Variants in SHROOM2 observed in about 807,000 individuals in gnomAD.
SHROOM2 encodes protein Shroom2.
A neutral mutation model predicts 75.9 loss-of-function variants in SHROOM2; 33 were observed. The observed-to-expected ratio is 0.43, with a 90% CI of 0.33 to 0.58. The LOEUF (loss-of-function observed/expected upper bound fraction) is 0.58. Ranked by LOEUF, SHROOM2 falls within the 20% of genes least tolerant of loss-of-function variation. SHROOM2 has a pLI of 0.04. For missense variants in SHROOM2, 1,434 were observed against 1,461.2 expected (o/e 0.98, Z 0.30); for synonymous variants, 655 against 663.6 (o/e 0.99, Z 0.20).
At position 9,895,778 on chromosome X, in the gene SHROOM2, G is replaced by A. The variant is rs144144863; in HGVS notation, c.1870G>A (p.Asp624Asn). Residue 624 changes from aspartate to asparagine, a missense_variant, in exon 4 of 10, where the codon GAC (aspartate) becomes AAC (asparagine). Around this residue, in one of 3 missense-constraint regions of SHROOM2, gnomAD observed 1,340 missense variants for 1,338.3 expected, o/e 1.00. Transcript: ENST00000380913. ...CGTGGGCAAGCCCACCCGAAGAAGC[G>A]ACCGCTTTGCCACCACCCTGCGGAA... ...AHVGKPTRRS[D>N]RFATTLRNEI... 2.8e-5 allele frequency: 34 copies of A among 1,201,645 alleles called. No individual in the cohort carries two copies. The African/African-American group carries it at 4.4e-4, about 15-fold the overall frequency.
chrX:9,914,413 TA>T (rs1429587063), intron 5 of SHROOM2, among the ~76,000 whole-genome samples: 2 of 109,901 alleles, frequency 1.8e-5, no homozygotes, highest in Non-Finnish European at 3.8e-5. Context: ...ACACTACCTT[TA>T]ATTTTTTACC....
chrX:9,901,127 G>A (rs755355062), intron 5 of SHROOM2, among the ~76,000 whole-genome samples: 5 of 111,107 alleles, frequency 4.5e-5, no homozygotes, highest in East Asian at 2.8e-4. Flanking sequence ...TGTAGATGCC[G>A]TCTTCTCCCT....
intron 1 of SHROOM2, among the ~76,000 whole-genome samples, chrX:9,821,378 C>T (rs912150517): frequency 9.0e-5 from 10 of 111,426 alleles, no homozygotes; most frequent in African/African-American, 3.3e-4. Context: ...GTGGGGGAGG[C>T]GTCAGGGAAG....
chrX:9,813,711 T>G (rs768477775), intron 1 of SHROOM2, among the ~76,000 whole-genome samples: 38 of 111,749 alleles, frequency 3.4e-4, no homozygotes, highest in African/African-American at 1.1e-3. Flanking sequence ...GACCCAGAAG[T>G]TTTCTGCTTA....
At chrX:9,897,138 G>GT (rs1212472014) in intron 4 of SHROOM2, among the ~76,000 whole-genome samples, 1 of 111,973 alleles carries the variant, frequency 8.9e-6, no homozygotes, top group Non-Finnish European at 1.9e-5. Flanking sequence ...TAGTATTTGG[G>GT]TTTTTTTAGT....
At chrX:9,907,217 G>C (rs987146614) in intron 5 of SHROOM2, among the ~76,000 whole-genome samples, 6 of 111,576 alleles carry the variant, frequency 5.4e-5, no homozygotes, top group African/African-American at 2.0e-4. Flanking sequence ...CTTCCTTCAA[G>C]TCATTTGTTT....
intron 5 of SHROOM2, among the ~76,000 whole-genome samples, chrX:9,924,815 C>A (rs1282129217): frequency 9.0e-6 from 1 of 111,299 alleles, no homozygotes; most frequent in Non-Finnish European, 1.9e-5. Flanking sequence ...ATCACCATAC[C>A]TGGCTAATTT....
At chrX:9,858,144 T>A (rs747659937) in intron 1 of SHROOM2, among the ~76,000 whole-genome samples, 1 of 111,975 alleles carries the variant, frequency 8.9e-6, no homozygotes, top group East Asian at 2.8e-4. Context: ...CATCCATATG[T>A]TACCCAATAA....
intron 5 of SHROOM2, among the ~76,000 whole-genome samples, chrX:9,927,384 A>T (rs2084605782): frequency 9.9e-6 from 1 of 101,459 alleles, no homozygotes; most frequent in Admixed American, 1.1e-4. Flanking sequence ...AAAAAAAAAA[A>T]AAAAAGTAGG....
Position 9,896,394 on chromosome X carries a change from C to T in SHROOM2, c.2486C>T (p.Pro829Leu), listed in dbSNP as rs766620817. 5 of 1,212,284 alleles carry T rather than the reference C, an allele frequency of 4.1e-6. No homozygotes were observed. In the Middle Eastern group the frequency reaches 6.9e-4, roughly 167 times the overall value. The change falls in exon 4 of 10, where the codon CCG becomes CTG. Residue 829 changes from proline (P) to leucine (L), a missense_variant. Pro to Leu is a moderately conservative substitution (Grantham distance 98). Around this residue, in one of 3 missense-constraint regions of SHROOM2, gnomAD observed 1,340 missense variants for 1,338.3 expected, o/e 1.00. Coordinates refer to ENST00000380913, the MANE Select transcript of SHROOM2 (RefSeq NM_001649.4). ...ATCCCGAGAGACAAGCCAGAGAGGC[C>T]GCGGACAGCGGGCCGCACATGTGAG... Reference protein sequence around the residue: ...HGIPRDKPERPRTAGRTCEGT... With the variant: ...HGIPRDKPERLRTAGRTCEGT...
At chrX:9,804,072 G>A (rs182181664) in intron 1 of SHROOM2, among the ~76,000 whole-genome samples, 7 of 111,793 alleles carry the variant, frequency 6.3e-5, no homozygotes, top group South Asian at 7.5e-4. Context: ...GATCGTGCCC[G>A]GGTTGGGAGG....
In SHROOM2 at chrX:9,947,067, A is replaced by G. The variant is rs1002493070; in HGVS notation, c.*130A>G. ...CTTCTCCCATAGCAAAGAGGCTGTTATAAAAGCAATAACTTTTGTGTTTGT... is the reference window on the plus strand; with the variant it reads ...CTTCTCCCATAGCAAAGAGGCTGTTGTAAAAGCAATAACTTTTGTGTTTGT... On this transcript the variant is annotated 3_prime_UTR_variant, in exon 10 of 10. Transcript: ENST00000380913. 4.6e-6 allele frequency: 3 copies of G among 655,942 alleles called. No homozygotes were observed. The highest frequency in any genetic ancestry group is 6.8e-6 in the Non-Finnish European group (3 of 441,973). 54.1% of individuals were successfully genotyped at this position (655,942 alleles called of 1,213,427 possible). A position where few individuals can be genotyped will look rare whatever the true frequency, so the allele number is the denominator to read the frequency against.
At chrX:9,937,796 G>T (rs964455811) in intron 7 of SHROOM2, 111 bp downstream of exon 7, 3 of 710,673 alleles carry the variant, frequency 4.2e-6, no homozygotes, top group Admixed American at 4.1e-5. Context: ...TGGGGAAGAC[G>T]GGTTTTCATA....
chrX:9,867,618 T>A (rs1057068058), intron 1 of SHROOM2, among the ~76,000 whole-genome samples: 2 of 111,158 alleles, frequency 1.8e-5, no homozygotes, highest in Non-Finnish European at 3.8e-5. Flanking sequence ...GGTGCCTAAT[T>A]AAGCCTAATT....
chrX:9,940,157 G>A (rs1015722193), intron 8 of SHROOM2, among the ~76,000 whole-genome samples: 1 of 111,476 alleles, frequency 9.0e-6, no homozygotes, highest in Non-Finnish European at 1.9e-5. Context: ...GGGCTTTTAC[G>A]GGCCCTCCAT....
At chrX:9,855,284 TTAAAG>T (rs752699481) in intron 1 of SHROOM2, among the ~76,000 whole-genome samples, 24 of 43,693 alleles carry the variant, frequency 5.5e-4, no homozygotes, top group African/African-American at 2.3e-3. Flanking sequence ...ATCCCAGAAC[TTAAAG>T]TATAGTAAAA....
chrX:9,883,554 C>T (rs1242350591), intron 2 of SHROOM2, among the ~76,000 whole-genome samples: 2 of 111,053 alleles, frequency 1.8e-5, no homozygotes, highest in East Asian at 2.8e-4. Flanking sequence ...CAGACGCTGC[C>T]GGCCCAGGGA....
chrX:9,892,712 G>A lies in SHROOM2; in HGVS notation c.449+1604G>A, dbSNP rs141124153. Among the ~76,000 whole-genome samples, 755 of 111,845 alleles carry A rather than the reference G, an allele frequency of 6.8e-3. 5 individuals are homozygous for A. The highest frequency in any genetic ancestry group is 0.023 in the African/African-American group (714 of 30,759). ...GGATACGTGGTCTGTTCTTACAGAA[G>A]ATGGGTGGGAAACCCAAACAGTCCT... On this transcript the variant is annotated intron_variant, in intron 3 of 9. Coordinates refer to ENST00000380913, the MANE Select transcript of SHROOM2 (RefSeq NM_001649.4).
Position 9,937,346 on chromosome X carries a change from G to T in SHROOM2, c.3800G>T (p.Gly1267Val). The T allele has an allele frequency of 8.3e-7, 1 of 1,205,187 alleles. No individual in the cohort carries two copies. The highest frequency in any genetic ancestry group is 1.1e-6 in the Non-Finnish European group (1 of 892,205). Residue 1267 changes from glycine (G) to valine (V), a missense_variant, in exon 7 of 10, where the codon GGT (glycine) becomes GTT (valine). This residue lies in a region of SHROOM2 where 1,340 missense variants were observed against 1,338.3 expected (regional missense o/e 1.00). Transcript: ENST00000380913. ...CGCTTCTGTCTGTACACGCGGCAGGGTGCTGAGCCCGAGGCCCCACATAGG... is the reference window on the plus strand; with the variant it reads ...CGCTTCTGTCTGTACACGCGGCAGGTTGCTGAGCCCGAGGCCCCACATAGG... ...YSRFCLYTRQ[G>V]AEPEAPHRAQ...
Sources: allele counts gnomAD v4.1 joint callset (sites outside exome capture counted in the v4.1 genomes callset), GRCh38; gene constraint gnomAD v4.1.1; regional missense constraint gnomAD v4.1.1; transcripts MANE v1.5; gene names NCBI Gene and HGNC (gene_info 2026-07-23, HGNC 2026-07-21).